The following RPS6KC1 variants were observed in gnomAD, a reference collection of about 807,000 sequenced individuals.
RPS6KC1 encodes the protein inactive ribosomal protein S6 kinase delta-1.
Under a neutral mutation model 103.8 loss-of-function variants are expected in RPS6KC1, and 54 were observed. The ratio of observed to expected loss-of-function variants is 0.52; its 90% confidence interval spans 0.42 to 0.65. The LOEUF is 0.65. RPS6KC1 is among the 30% of genes least tolerant of loss of function. The pLI is 0.00. For synonymous variants in RPS6KC1, 439 were observed against 438.7 expected (o/e 1.00, Z -0.01); for missense variants, 1,151 against 1,253.8 (o/e 0.92, Z 1.24).
At chr1:213,513,654 C>T in the RPS6KC1 span, among the ~76,000 whole-genome samples, 1 of 152,198 alleles carries the variant, frequency 6.6e-6, no homozygotes, top group East Asian at 1.9e-4. Context: ...CAAACACAAA[C>T]CCCAAACTTA....
the RPS6KC1 span, among the ~76,000 whole-genome samples, chr1:213,287,914 A>T: frequency 3.9e-5 from 6 of 152,230 alleles, no homozygotes; most frequent in African/African-American, 1.4e-4. Flanking sequence ...ACCCACATTA[A>T]CAAAAGTTCA....
At chr1:213,109,664 G>A (rs61834106) in intron 4 of RPS6KC1, among the ~76,000 whole-genome samples, 2,697 of 152,118 alleles carry the variant, frequency 0.018, 38 homozygotes, top group Non-Finnish European at 0.028. Flanking sequence ...TGTGGCTATG[G>A]ATATACTACA....
the RPS6KC1 span, among the ~76,000 whole-genome samples, chr1:213,638,941 G>A: frequency 1.3e-5 from 2 of 151,952 alleles, no homozygotes; most frequent in Admixed American, 1.3e-4. Flanking sequence ...CTCAATTTAG[G>A]GAAAGCCAAT....
the RPS6KC1 span, among the ~76,000 whole-genome samples, chr1:213,513,862 C>T: frequency 3.1e-3 from 479 of 152,298 alleles, 2 homozygotes; most frequent in African/African-American, 0.011. Flanking sequence ...ATGCACCATT[C>T]CAGCCATCTT....
the RPS6KC1 span, among the ~76,000 whole-genome samples, chr1:213,862,409 A>G: frequency 1.8e-3 from 268 of 152,326 alleles, 1 homozygote; most frequent in Non-Finnish European, 2.9e-3. Context: ...GCCAGAGTGC[A>G]TGCCAGCTAG....
the RPS6KC1 span, chr1:213,818,451 A>C: frequency 6.6e-6 from 1 of 152,350 alleles, no homozygotes; most frequent in East Asian, 1.9e-4. Context: ...GTCTGGATAA[A>C]ACATCAAACC....
the RPS6KC1 span, among the ~76,000 whole-genome samples, chr1:213,745,687 T>G: frequency 6.6e-6 from 1 of 152,076 alleles, no homozygotes; most frequent in Non-Finnish European, 1.5e-5. Context: ...AAGAGGCCAG[T>G]CCCATGATGA....
the RPS6KC1 span, among the ~76,000 whole-genome samples, chr1:213,525,431 A>G: frequency 6.6e-6 from 1 of 152,186 alleles, no homozygotes; most frequent in Admixed American, 6.5e-5. Flanking sequence ...TAGATGTTCA[A>G]TTAGTGATAT....
At chr1:213,756,378 C>T in the RPS6KC1 span, among the ~76,000 whole-genome samples, 4 of 152,100 alleles carry the variant, frequency 2.6e-5, no homozygotes, top group Admixed American at 2.6e-4. Context: ...CAAAGGCAAT[C>T]CTTGTGGATT....
chr1:213,307,293 C>T, the RPS6KC1 span, among the ~76,000 whole-genome samples: 1 of 152,060 alleles, frequency 6.6e-6, no homozygotes, highest in South Asian at 2.1e-4. Context: ...CCTGATGATC[C>T]GCCCGCCTCG....
chr1:213,304,662 C>A, the RPS6KC1 span, among the ~76,000 whole-genome samples: 2 of 151,922 alleles, frequency 1.3e-5, no homozygotes, highest in Non-Finnish European at 2.9e-5. Flanking sequence ...CTTGCCTTAG[C>A]CTCCCGAGTA....
At chr1:213,583,901 A>G in the RPS6KC1 span, among the ~76,000 whole-genome samples, 1 of 151,812 alleles carries the variant, frequency 6.6e-6, no homozygotes, top group Non-Finnish European at 1.5e-5. Context: ...CCCCCAGAGT[A>G]TCTGATTTGT....
intron 8 of RPS6KC1, among the ~76,000 whole-genome samples, chr1:213,190,221 A>C (rs1331561773): frequency 2.0e-5 from 3 of 152,040 alleles, no homozygotes; most frequent in Non-Finnish European, 4.4e-5. Context: ...GTTTTTGTGG[A>C]GCCTCCAAAC....
the RPS6KC1 span, among the ~76,000 whole-genome samples, chr1:213,679,230 CT>C: frequency 1.3e-5 from 2 of 152,216 alleles, no homozygotes; most frequent in South Asian, 4.1e-4. Flanking sequence ...AGACCTTGAA[CT>C]TCTGGGTTTC....
At chr1:213,063,261 A>G (rs2078006961) in intron 1 of RPS6KC1, among the ~76,000 whole-genome samples, 2 of 152,248 alleles carry the variant, frequency 1.3e-5, no homozygotes, top group Admixed American at 6.5e-5. Flanking sequence ...GCATTTTGTC[A>G]GAGATATTTT....
chr1:213,808,293 C>G, the RPS6KC1 span, among the ~76,000 whole-genome samples: 5 of 152,202 alleles, frequency 3.3e-5, no homozygotes, highest in Admixed American at 3.3e-4. Flanking sequence ...CTGGGAGAAC[C>G]ACTGCTCTCT....
At chr1:213,599,475 G>T in the RPS6KC1 span, among the ~76,000 whole-genome samples, 1 of 151,858 alleles carries the variant, frequency 6.6e-6, no homozygotes, top group Non-Finnish European at 1.5e-5. Context: ...AACGAGGGGG[G>T]GAAAAACATT....
chr1:213,476,676 C>G, the RPS6KC1 span, among the ~76,000 whole-genome samples: 1 of 152,326 alleles, frequency 6.6e-6, no homozygotes, highest in African/African-American at 2.4e-5. Context: ...ACCCAGGAAG[C>G]TGGAGGAATG....
chr1:213,737,228 G>C, the RPS6KC1 span, among the ~76,000 whole-genome samples: 1 of 152,238 alleles, frequency 6.6e-6, no homozygotes, highest in African/African-American at 2.4e-5. Flanking sequence ...ATCCAAATGA[G>C]TTGAGCATTT....
Sources: gnomAD v4.1 joint callset for allele counts (sites outside exome capture counted in the v4.1 genomes callset) on GRCh38, gnomAD v4.1.1 for gene constraint, MANE v1.5 for transcripts, NCBI Gene and HGNC (gene_info 2026-07-23, HGNC 2026-07-21) for gene names.